Variants in VPS26A observed in about 807,000 individuals in gnomAD.
VPS26A encodes vacuolar protein sorting-associated protein 26A.
In VPS26A, 22 loss-of-function variants were observed where a neutral mutation model predicts 42.4. The observed-to-expected ratio is 0.52, with a 90% CI of 0.37 to 0.74. The LOEUF (loss-of-function observed/expected upper bound fraction) is 0.74. Among genes scored for constraint, VPS26A ranks in the 30% least tolerant of loss-of-function variants. The pLI is 0.00. For synonymous variants in VPS26A, 110 were observed against 123.5 expected, an observed-to-expected ratio of 0.89 and a Z score of 0.73; for missense variants, 276 against 379.2, an observed-to-expected ratio of 0.73 and a Z score of 2.26.
intron 1 of VPS26A, among the ~76,000 whole-genome samples, chr10:69,132,283 A>T (rs940226820): frequency 6.6e-6 from 1 of 152,048 alleles, no homozygotes; most frequent in Middle Eastern, 3.2e-3. Flanking sequence ...TTAATATTTG[A>T]TTATAGTGGT....
At chr10:69,150,097 C>T (rs1446680181) in intron 2 of VPS26A, among the ~76,000 whole-genome samples, 1 of 147,394 alleles carries the variant, frequency 6.8e-6, no homozygotes, top group African/African-American at 2.5e-5. Flanking sequence ...CTGAGTCTTA[C>T]TCTGTCATCC....
chr10:69,137,977 T>G (rs903080586), intron 2 of VPS26A, among the ~76,000 whole-genome samples: 14 of 152,024 alleles, frequency 9.2e-5, no homozygotes, highest in African/African-American at 3.4e-4. Flanking sequence ...ACATTTTCAT[T>G]ACTCCAGAAA....
chr10:69,128,622 C>T (rs1840710914), intron 1 of VPS26A, among the ~76,000 whole-genome samples: 1 of 152,082 alleles, frequency 6.6e-6, no homozygotes, highest in Non-Finnish European at 1.5e-5. Flanking sequence ...ATTTCCTTTT[C>T]TCTGTAAAAC....
At chr10:69,157,543 AT>A (rs1328288203) in intron 4 of VPS26A, among the ~76,000 whole-genome samples, 1 of 152,222 alleles carries the variant, frequency 6.6e-6, no homozygotes, top group East Asian at 1.9e-4. Context: ...CAAATAGTGG[AT>A]GGCAGAAAAG....
chr10:69,149,729 TTTTTG>T (rs1310972565), intron 2 of VPS26A, among the ~76,000 whole-genome samples: 278 of 16,720 alleles, frequency 0.017, 19 homozygotes, highest in African/African-American at 0.022. Context: ...TTCTTGGTGT[TTTTTG>T]TTTTTTTTTT....
At chr10:69,161,747 A>G in intron 5 of VPS26A, 1 of 369,182 alleles carries the variant, frequency 2.7e-6, no homozygotes, top group Non-Finnish European at 5.4e-6. Flanking sequence ...TCACAATTAG[A>G]TGCAAGCACA....
intron 1 of VPS26A, among the ~76,000 whole-genome samples, chr10:69,131,409 G>A (rs531439479): frequency 8.6e-5 from 13 of 151,938 alleles, no homozygotes; most frequent in African/African-American, 2.9e-4. Flanking sequence ...GCAACAGAGT[G>A]AGACCCTGTC....
intron 6 of VPS26A, among the ~76,000 whole-genome samples, chr10:69,163,923 G>T (rs1174328847): frequency 6.6e-6 from 1 of 151,002 alleles, no homozygotes; most frequent in African/African-American, 2.4e-5. Flanking sequence ...CCACCATCAC[G>T]CCCGGCTAAT....
intron 2 of VPS26A, among the ~76,000 whole-genome samples, chr10:69,146,567 C>T (rs369613624): frequency 3.9e-5 from 6 of 152,194 alleles, no homozygotes; most frequent in South Asian, 2.1e-4. Context: ...ACCCATTAAG[C>T]GGTAACTCCC....
At chr10:69,142,207 G>A (rs1416357151) in intron 2 of VPS26A, among the ~76,000 whole-genome samples, 8 of 125,960 alleles carry the variant, frequency 6.4e-5, no homozygotes, top group Admixed American at 4.3e-4. Flanking sequence ...TTTTTTTGAG[G>A]TGGGGTCTCA....
Position 69,129,766 on chromosome 10 carries a change from G to A in VPS26A, c.4-3132G>A, listed in dbSNP as rs147779599. On this transcript the variant is annotated intron_variant, in intron 1 of 8. Coordinates refer to ENST00000263559, the MANE Select transcript of VPS26A (RefSeq NM_004896.5). ...TCTCGAACTCCTGACCTTGTGATTC[G>A]CCCACCTTGGCCTCCCAAAGTGCTG... 4.4e-3 allele frequency among the ~76,000 whole-genome samples: 663 copies of A among 152,136 alleles called. 6 individuals carry two copies. The highest frequency in any genetic ancestry group is 0.019 in the South Asian group (92 of 4,812).
intron 1 of VPS26A, among the ~76,000 whole-genome samples, chr10:69,127,377 C>T (rs1053737216): frequency 1.3e-5 from 2 of 151,392 alleles, no homozygotes; most frequent in South Asian, 2.1e-4. Flanking sequence ...CACGGTGAAA[C>T]CCCGTCTCCA....
chr10:69,154,039 A>G (rs1841377104), intron 2 of VPS26A, among the ~76,000 whole-genome samples: 1 of 152,204 alleles, frequency 6.6e-6, no homozygotes, highest in Non-Finnish European at 1.5e-5. Flanking sequence ...CTTCAAGTCT[A>G]GACCCTGGTC....
In VPS26A at chr10:69,161,674, C is replaced by A. The variant is rs1841565127; in HGVS notation, c.552-732C>A. On this transcript the variant is annotated intron_variant, in intron 5 of 8. Coordinates refer to ENST00000263559, the MANE Select transcript of VPS26A (RefSeq NM_004896.5). ...TAGAGGCTTACCCATTCCCCAGTTT[C>A]TTCTTGTCATCAACCGGGGTTCAGC... 2.8e-5 allele frequency: 10 copies of A among 361,852 alleles called. No individual in the cohort carries two copies. The Admixed American group carries it at 2.8e-4, about 10-fold the overall frequency. The allele number at this position is 361,852 out of a possible 1,614,324, so 22.4% of individuals were successfully genotyped here.
chr10:69,166,187 G>C (rs1841683992), intron 7 of VPS26A, 77 bp downstream of exon 7: 2 of 1,331,718 alleles, frequency 1.5e-6, no homozygotes, highest in Non-Finnish European at 2.1e-6. Context: ...TATTTATTTA[G>C]TGTGAAAGTA....
intron 7 of VPS26A, among the ~76,000 whole-genome samples, chr10:69,168,028 T>G (rs1206412384): frequency 6.6e-6 from 1 of 152,220 alleles, no homozygotes; most frequent in Non-Finnish European, 1.5e-5. Context: ...TACACATTCC[T>G]TGTGAATACT....
At chr10:69,154,118 C>A (rs1841378356) in intron 2 of VPS26A, among the ~76,000 whole-genome samples, 1 of 152,170 alleles carries the variant, frequency 6.6e-6, no homozygotes, top group Admixed American at 6.5e-5. Flanking sequence ...GAAGTTGTAT[C>A]CTTGACTGTC....
chr10:69,160,698 C>T (rs1036584006), intron 5 of VPS26A, among the ~76,000 whole-genome samples: 1 of 152,122 alleles, frequency 6.6e-6, no homozygotes, highest in African/African-American at 2.4e-5. Context: ...GTGATCTGCC[C>T]GCCTTGGTCT....
intron 2 of VPS26A, among the ~76,000 whole-genome samples, chr10:69,138,485 C>G (rs1840969161): frequency 1.3e-5 from 2 of 152,102 alleles, no homozygotes; most frequent in Admixed American, 1.3e-4. Flanking sequence ...ACTGGTATGA[C>G]AAGATGTTTA....
Sources: gnomAD v4.1 joint callset for allele counts (sites outside exome capture counted in the v4.1 genomes callset) on GRCh38, gnomAD v4.1.1 for gene constraint, MANE v1.5 for transcripts, NCBI Gene and HGNC (gene_info 2026-07-23, HGNC 2026-07-21) for gene names.